TBL1X: variants seen among roughly 807,000 people sequenced by gnomAD.
TBL1X encodes the protein F-box-like/WD repeat-containing protein TBL1X.
TBL1X carries 10 observed loss-of-function variants against 50.7 expected under a neutral mutation model. The observed-to-expected ratio is 0.20, with a 90% CI of 0.12 to 0.33. TBL1X has a LOEUF of 0.33. Among genes scored for constraint, TBL1X ranks in the 10% least tolerant of loss-of-function variants. TBL1X has a pLI of 1.00. For synonymous variants in TBL1X, 190 were observed against 214.7 expected (o/e 0.88, Z 1.01); for missense variants, 340 against 504.4 (o/e 0.67, Z 3.12).
At chrX:9,660,615 A>G (rs902509691) in intron 5 of TBL1X, among the ~76,000 whole-genome samples, 2 of 111,282 alleles carry the variant, frequency 1.8e-5, no homozygotes, top group African/African-American at 6.5e-5. Context: ...TTTATTATAC[A>G]TTTTTCTTGC....
intron 5 of TBL1X, among the ~76,000 whole-genome samples, chrX:9,682,340 C>T (rs753788613): frequency 8.9e-6 from 1 of 112,170 alleles, no homozygotes; most frequent in South Asian, 3.7e-4. Flanking sequence ...CCTGGAAGGG[C>T]GTCCTTTGGA....
intron 1 of TBL1X, among the ~76,000 whole-genome samples, chrX:9,485,073 G>A (rs2081904131): frequency 2.7e-5 from 3 of 110,981 alleles, no homozygotes; most frequent in Admixed American, 9.6e-5. Context: ...GGGTGATAGA[G>A]CACAAGACCC....
intron 2 of TBL1X, among the ~76,000 whole-genome samples, chrX:9,511,275 A>T (rs747214187): frequency 3.6e-5 from 4 of 112,203 alleles, no homozygotes; most frequent in African/African-American, 1.3e-4. Context: ...TCTCCTGTGC[A>T]CATTTGACCC....
chrX:9,502,827 G>A (rs1402521989), intron 2 of TBL1X, among the ~76,000 whole-genome samples: 4 of 112,229 alleles, frequency 3.6e-5, no homozygotes, highest in Non-Finnish European at 7.5e-5. Flanking sequence ...GGATGCTACA[G>A]CAACAAGGTG....
chrX:9,582,989 G>A (rs1382379562), intron 2 of TBL1X, among the ~76,000 whole-genome samples: 1 of 112,650 alleles, frequency 8.9e-6, no homozygotes. Context: ...AACATTTCAA[G>A]TTGTATCCCT....
chrX:9,630,894 C>T (rs887710582), intron 2 of TBL1X, among the ~76,000 whole-genome samples: 2 of 112,092 alleles, frequency 1.8e-5, no homozygotes, highest in African/African-American at 3.2e-5. Flanking sequence ...ATTTTCAATC[C>T]GTAGATGCAG....
chrX:9,554,836 C>T (rs770891644), intron 2 of TBL1X, among the ~76,000 whole-genome samples: 11 of 111,564 alleles, frequency 9.9e-5, no homozygotes, highest in South Asian at 7.6e-4. Context: ...GTACAGACAT[C>T]GAGACAGCAC....
intron 2 of TBL1X, among the ~76,000 whole-genome samples, chrX:9,546,688 C>A (rs2082244020): frequency 9.1e-6 from 1 of 109,919 alleles, no homozygotes; most frequent in East Asian, 2.8e-4. Context: ...CATTTTTGGT[C>A]AAAAAATGAT....
At chrX:9,632,381 A>G (rs1057322298) in intron 2 of TBL1X, among the ~76,000 whole-genome samples, 2 of 111,465 alleles carry the variant, frequency 1.8e-5, no homozygotes, top group Non-Finnish European at 3.8e-5. Flanking sequence ...CCCGAGTTCA[A>G]GCGATTCTCG....
At chrX:9,532,884 T>G (rs1010724734) in intron 2 of TBL1X, among the ~76,000 whole-genome samples, 5 of 111,236 alleles carry the variant, frequency 4.5e-5, no homozygotes, top group Non-Finnish European at 7.5e-5. Context: ...GCTTAAGGCT[T>G]CAGCATATGA....
chrX:9,506,559 C>G (rs1357132055), intron 2 of TBL1X, among the ~76,000 whole-genome samples: 1 of 110,981 alleles, frequency 9.0e-6, no homozygotes, highest in Non-Finnish European at 1.9e-5. Context: ...GCTAGCTAGA[C>G]TAATAGAGAA....
At position 9,692,221 on chromosome X, in the gene TBL1X, G is replaced by T. The variant is rs765889696; in HGVS notation, c.858G>T (p.Pro286=). The part of the protein sequence containing the change: ...HCIREGGHDV[P]SNKDVTSLDW... ...TACGAGAGGGGGGCCATGACGTCCC[G>T]AGTAACAAAGACGTCACCTCACTGG... Residue 286 remains proline, a synonymous_variant, in exon 9 of 18, where the codon CCG becomes CCT. Transcript: ENST00000645353. 1 of 1,198,194 alleles carries T rather than the reference G, an allele frequency of 8.3e-7. No homozygotes were observed. Among genetic ancestry groups the T allele is most frequent in the East Asian group, 3.0e-5 (1 of 33,603 alleles).
intron 5 of TBL1X, among the ~76,000 whole-genome samples, chrX:9,661,029 C>T (rs770605808): frequency 3.4e-4 from 38 of 111,950 alleles, no homozygotes; most frequent in Non-Finnish European, 5.6e-4. Flanking sequence ...TCACCAGACA[C>T]CCAATCTGCC....
chrX:9,493,581 G>A (rs773981938), intron 1 of TBL1X, among the ~76,000 whole-genome samples: 27 of 110,898 alleles, frequency 2.4e-4, no homozygotes, highest in African/African-American at 8.9e-4. Context: ...GGGCAAGATG[G>A]TGACATTCCA....
intron 2 of TBL1X, among the ~76,000 whole-genome samples, chrX:9,533,245 G>A (rs16985581): frequency 9.0e-6 from 1 of 111,536 alleles, no homozygotes; most frequent in Non-Finnish European, 1.9e-5. Flanking sequence ...CCATAGACGA[G>A]CGCGAACTCC....
At chrX:9,628,317 C>T (rs1027991859) in intron 2 of TBL1X, among the ~76,000 whole-genome samples, 1 of 111,922 alleles carries the variant, frequency 8.9e-6, no homozygotes, top group African/African-American at 3.2e-5. Flanking sequence ...CAGCAGCACC[C>T]TCTCCGTATG....
At chrX:9,539,003 G>C (rs1196324267) in intron 2 of TBL1X, among the ~76,000 whole-genome samples, 1 of 112,567 alleles carries the variant, frequency 8.9e-6, no homozygotes, top group Non-Finnish European at 1.9e-5. Context: ...TAACAGGACG[G>C]TTGAGAAGCG....
chrX:9,464,592 A>T (rs2146915193), upstream of TBL1X, among the ~76,000 whole-genome samples: 1 of 110,589 alleles, frequency 9.0e-6, no homozygotes, highest in African/African-American at 3.3e-5. Context: ...ACACTTTAGC[A>T]GTGATCGAGG....
At chrX:9,504,107 C>T (rs2082014718) in intron 2 of TBL1X, among the ~76,000 whole-genome samples, 1 of 111,439 alleles carries the variant, frequency 9.0e-6, no homozygotes, top group African/African-American at 3.3e-5. Flanking sequence ...TGCTGCTCTC[C>T]AGCATCCTTA....
Sources: gnomAD v4.1 joint callset for allele counts (sites outside exome capture counted in the v4.1 genomes callset) on GRCh38, gnomAD v4.1.1 for gene constraint, MANE v1.5 for transcripts, NCBI Gene and HGNC (gene_info 2026-07-23, HGNC 2026-07-21) for gene names.